RPS6KA3: variants seen among roughly 807,000 people sequenced by gnomAD.
RPS6KA3 encodes ribosomal protein S6 kinase A3.
RPS6KA3 carries 4 observed loss-of-function variants against 67.2 expected under a neutral mutation model. That is an observed-to-expected ratio of 0.06 (90% CI 0.03 to 0.14). The LOEUF is 0.14. RPS6KA3 is among the 10% of genes least tolerant of loss of function. The probability of loss-of-function intolerance (pLI) is 1.00; values close to 1 mark genes in which losing one functional copy is unlikely to be tolerated. For synonymous variants in RPS6KA3, 182 were observed against 183.7 expected (o/e 0.99, Z 0.07); for missense variants, 204 against 559.0 (o/e 0.36, Z 6.40).
chrX:20,182,512 G>C (rs1332739917), intron 10 of RPS6KA3, among the ~76,000 whole-genome samples: 1 of 112,329 alleles, frequency 8.9e-6, no homozygotes, highest in Non-Finnish European at 1.9e-5. Context: ...ATGTGACAGA[G>C]ACTGTGTGTG....
chrX:20,231,652 G>A (rs1257290523), intron 2 of RPS6KA3, among the ~76,000 whole-genome samples: 5 of 111,952 alleles, frequency 4.5e-5, no homozygotes, highest in East Asian at 5.6e-4. Flanking sequence ...CCCCGGTAAC[G>A]GTGAATGTGA....
chrX:20,207,107 G>T (rs956074686), intron 3 of RPS6KA3, among the ~76,000 whole-genome samples: 2 of 111,845 alleles, frequency 1.8e-5, no homozygotes, highest in African/African-American at 3.2e-5. Flanking sequence ...ATGGATCAAG[G>T]CAAGAATACA....
intron 20 of RPS6KA3, 24 bp downstream of exon 20, chrX:20,161,620 C>T: frequency 1.2e-6 from 1 of 840,198 alleles, no homozygotes; most frequent in Admixed American, 2.3e-5. Context: ...TTCTCAAAAT[C>T]TTATAATAGG....
chrX:20,216,486 AAAT>A (rs768599765), intron 2 of RPS6KA3, among the ~76,000 whole-genome samples: 293 of 111,464 alleles, frequency 2.6e-3, no homozygotes, highest in Non-Finnish European at 3.8e-3. Flanking sequence ...ACAACAGACC[AAAT>A]AATAATAATA....
intron 2 of RPS6KA3, among the ~76,000 whole-genome samples, chrX:20,223,328 C>T (rs1002925182): frequency 9.0e-6 from 1 of 111,210 alleles, no homozygotes; most frequent in African/African-American, 3.3e-5. Flanking sequence ...AACTTAAAGA[C>T]CACAGAGTGA....
chrX:20,171,072 T>C (rs59147822), intron 15 of RPS6KA3, among the ~76,000 whole-genome samples: 7,856 of 112,089 alleles, frequency 0.07, 647 homozygotes, highest in African/African-American at 0.24. Flanking sequence ...AGACACTATG[T>C]CTGGCATGAT....
chrX:20,178,809 A>G (rs2067771597), intron 10 of RPS6KA3, among the ~76,000 whole-genome samples: 1 of 109,388 alleles, frequency 9.1e-6, no homozygotes, highest in South Asian at 3.9e-4. Flanking sequence ...TTTTTCAAAG[A>G]ATACCTATTA....
intron 1 of RPS6KA3, among the ~76,000 whole-genome samples, chrX:20,262,178 C>T (rs1238877743): frequency 8.9e-6 from 1 of 111,931 alleles, no homozygotes; most frequent in East Asian, 2.8e-4. Flanking sequence ...CCATCATTCA[C>T]AGCCTGGCAG....
chrX:20,226,587 G>C (rs1324870762), intron 2 of RPS6KA3, among the ~76,000 whole-genome samples: 2 of 112,068 alleles, frequency 1.8e-5, no homozygotes, highest in Non-Finnish European at 3.8e-5. Flanking sequence ...TAAGAATCAG[G>C]TTAAATTTCA....
At chrX:20,251,460 T>C (rs745948465) in intron 1 of RPS6KA3, among the ~76,000 whole-genome samples, 1 of 112,978 alleles carries the variant, frequency 8.9e-6, no homozygotes, top group Non-Finnish European at 1.9e-5. Context: ...GGCGTAAGTC[T>C]CCCAAAGTGC....
intron 20 of RPS6KA3, among the ~76,000 whole-genome samples, chrX:20,159,725 TTA>T (rs1476611242): frequency 8.9e-6 from 1 of 112,310 alleles, no homozygotes; most frequent in Non-Finnish European, 1.9e-5. Context: ...CCCTGATATT[TTA>T]TTATTGGTAA....
At chrX:20,254,894 A>G (rs922305504) in intron 1 of RPS6KA3, among the ~76,000 whole-genome samples, 1 of 112,269 alleles carries the variant, frequency 8.9e-6, no homozygotes, top group Non-Finnish European at 1.9e-5. Context: ...ATGGGAATGT[A>G]AAATGGTACA....
At chrX:20,163,823 C>G (rs1017193088) in intron 18 of RPS6KA3, among the ~76,000 whole-genome samples, 1 of 111,342 alleles carries the variant, frequency 9.0e-6, no homozygotes, top group African/African-American at 3.3e-5. Flanking sequence ...CATGTGCCAT[C>G]ACGCTTGGCT....
chrX:20,224,153 C>A (rs1372284876), intron 2 of RPS6KA3, among the ~76,000 whole-genome samples: 1 of 111,627 alleles, frequency 9.0e-6, no homozygotes, highest in Non-Finnish European at 1.9e-5. Flanking sequence ...GTTAAATAAT[C>A]TGCTGCCCAA....
At chrX:20,195,453 C>T (rs2068248226) in intron 4 of RPS6KA3, among the ~76,000 whole-genome samples, 1 of 111,813 alleles carries the variant, frequency 8.9e-6, no homozygotes, top group African/African-American at 3.2e-5. Flanking sequence ...GGCAAAAAAG[C>T]ATGCAACTTT....
Sources: allele counts gnomAD v4.1 joint callset (sites outside exome capture counted in the v4.1 genomes callset), GRCh38; gene constraint gnomAD v4.1.1; transcripts MANE v1.5; gene names NCBI Gene and HGNC (gene_info 2026-07-23, HGNC 2026-07-21).